Variants in METTL8 observed in about 807,000 individuals in gnomAD.
The protein encoded by METTL8 is tRNA N(3)-cytidine methyltransferase METTL8, mitochondrial.
Under a neutral mutation model 48.7 loss-of-function variants are expected in METTL8, and 32 were observed. That is an observed-to-expected ratio of 0.66 (90% confidence interval 0.50 to 0.88). The LOEUF is 0.88. METTL8 is among the 40% of genes least tolerant of loss of function. The probability of loss-of-function intolerance (pLI) is 0.00; values close to 1 mark genes in which losing one functional copy is unlikely to be tolerated. For synonymous variants in METTL8, 136 were observed against 157.1 expected (o/e 0.87, Z 1.01); for missense variants, 464 against 474.4 (o/e 0.98, Z 0.20).
At chr2:171,389,516 A>C (rs1478424595) in intron 2 of METTL8, among the ~76,000 whole-genome samples, 1 of 37,310 alleles carries the variant, frequency 2.7e-5, no homozygotes, top group Non-Finnish European at 6.5e-5. Flanking sequence ...CTGTCTCACA[A>C]AAAAAAAAAA....
At chr2:171,328,492 T>C (rs1194966264) in intron 7 of METTL8, among the ~76,000 whole-genome samples, 3 of 152,142 alleles carry the variant, frequency 2.0e-5, no homozygotes, top group South Asian at 2.1e-4. Context: ...AGTGACACTA[T>C]AGACATTGCC....
intron 1 of METTL8, among the ~76,000 whole-genome samples, chr2:171,428,694 A>G (rs1314899025): frequency 6.6e-6 from 1 of 152,182 alleles, no homozygotes; most frequent in Non-Finnish European, 1.5e-5. Context: ...TAGTGCCACA[A>G]CAGTATACAC....
At chr2:171,373,553 C>T (rs560747786) in intron 2 of METTL8, among the ~76,000 whole-genome samples, 2 of 152,282 alleles carry the variant, frequency 1.3e-5, no homozygotes, top group East Asian at 1.9e-4. Flanking sequence ...GAAGTCCTTG[C>T]CCATGCCTAT....
chr2:171,366,506 T>C (rs1052611020), intron 2 of METTL8, among the ~76,000 whole-genome samples: 5 of 152,020 alleles, frequency 3.3e-5, no homozygotes, highest in Non-Finnish European at 7.4e-5. Flanking sequence ...CTATTAGACA[T>C]GCAAATCAAG....
Position 171,321,888 on chromosome 2 carries a change from C to A in METTL8, c.*2284G>T, listed in dbSNP as rs1438783828. The A allele has an allele frequency of 1.3e-5, 2 of 151,958 alleles. No homozygotes were observed. The highest frequency in any genetic ancestry group is 2.9e-5 in the Non-Finnish European group (2 of 67,984). The allele number at this position is 151,958 out of a possible 1,614,324, so 9.4% of individuals were successfully genotyped here. A position where few individuals can be genotyped will look rare whatever the true frequency, so the allele number is the denominator to read the frequency against. On this transcript the variant is annotated 3_prime_UTR_variant, in exon 10 of 10. Transcript: ENST00000375258. ...ATTATGTAATGAGTATGAGACTAAT[C>A]TTAAAAACTTCATTTCTACAAAATG... is the stretch of plus-strand genomic sequence containing the variant.
intron 3 of METTL8, among the ~76,000 whole-genome samples, chr2:171,356,960 T>TTTTTTTTG (rs1684642271): frequency 8.1e-6 from 1 of 123,626 alleles, no homozygotes; most frequent in African/African-American, 2.9e-5. Flanking sequence ...ATATTTTTTT[T>TTTTTTTTG]TTTTTTTTTG....
At chr2:171,326,964 G>A (rs1389989346) in intron 7 of METTL8, 2 of 152,152 alleles carry the variant, frequency 1.3e-5, no homozygotes, top group Non-Finnish European at 2.9e-5. Context: ...TCTTAGTTGA[G>A]CTCTTAAGAT....
chr2:171,393,272 T>A (rs892432489), intron 1 of METTL8, among the ~76,000 whole-genome samples: 4 of 151,248 alleles, frequency 2.6e-5, no homozygotes, highest in Non-Finnish European at 5.9e-5. Context: ...TAAAAAAAAA[T>A]TAGGGGTGAT....
At chr2:171,368,529 T>G (rs1685952055) in intron 2 of METTL8, among the ~76,000 whole-genome samples, 1 of 151,836 alleles carries the variant, frequency 6.6e-6, no homozygotes, top group Non-Finnish European at 1.5e-5. Context: ...ACCATGAGTT[T>G]GATAGGTTCC....
At chr2:171,359,348 G>C (rs1169974971) in intron 3 of METTL8, among the ~76,000 whole-genome samples, 1 of 152,084 alleles carries the variant, frequency 6.6e-6, no homozygotes, top group African/African-American at 2.4e-5. Context: ...ATATCAAAAA[G>C]ACAGGGAATA....
rs1424142260 is a variant in METTL8, at chr2:171,316,154, A to G, written c.*8018T>C. Among the ~76,000 whole-genome samples, 2 of 152,274 alleles carry G rather than the reference A, an allele frequency of 1.3e-5. No individual in the cohort carries two copies. The highest frequency in any genetic ancestry group is 3.8e-4 in the East Asian group (2 of 5,200). On this transcript the variant is annotated 3_prime_UTR_variant, in exon 10 of 10. Coordinates refer to ENST00000375258, the MANE Select transcript of METTL8 (RefSeq NM_001321154.2). ...TCAAAGCTAAATGAGTATGCAATAA[A>G]GCTTTGAGAAATGGAAAAGAAAATC...
chr2:171,353,203 T>C (rs1471090018), intron 3 of METTL8, among the ~76,000 whole-genome samples: 2 of 152,244 alleles, frequency 1.3e-5, no homozygotes, highest in Non-Finnish European at 2.9e-5. Flanking sequence ...AACATCTTTA[T>C]TTCTGCCTTC....
chr2:171,416,253 T>C (rs1435774113), intron 1 of METTL8, among the ~76,000 whole-genome samples: 1 of 152,200 alleles, frequency 6.6e-6, no homozygotes, highest in Non-Finnish European at 1.5e-5. Context: ...GGAAAGCTCG[T>C]GCACCCTCTG....
chr2:171,397,491 C>T (rs935342173), intron 1 of METTL8, among the ~76,000 whole-genome samples: 4 of 142,222 alleles, frequency 2.8e-5, no homozygotes, highest in South Asian at 2.3e-4. Context: ...GAGTTCAAGG[C>T]TGCAGTGAAC....
chr2:171,383,329 C>T (rs1350993952), intron 2 of METTL8, among the ~76,000 whole-genome samples: 1 of 151,994 alleles, frequency 6.6e-6, no homozygotes, highest in Non-Finnish European at 1.5e-5. Flanking sequence ...CTACAGAAAA[C>T]GGCTTAGCTC....
At chr2:171,351,568 C>T (rs1357892167) in intron 3 of METTL8, among the ~76,000 whole-genome samples, 1 of 152,182 alleles carries the variant, frequency 6.6e-6, no homozygotes, top group Non-Finnish European at 1.5e-5. Flanking sequence ...TGGCCATTTT[C>T]ATGCTATTGA....
At position 171,433,990 on chromosome 2, in the gene METTL8, T is replaced by C. The variant is rs1348815313; in HGVS notation, c.-120A>G. On this transcript the variant is annotated 5_prime_UTR_variant, in exon 1 of 10. Transcript: ENST00000375258. ...AGGTCGGGGCCGAGAAGCTTGTGAG[T>C]ACCGGGGCAGTGAGGGAGGGATCCC... 1 of 227,642 alleles carries C rather than the reference T, an allele frequency of 4.4e-6. No homozygotes were observed. The highest frequency in any genetic ancestry group is 8.8e-6 in the Non-Finnish European group (1 of 113,458). 14.1% of individuals were successfully genotyped at this position (227,642 alleles called of 1,614,324 possible).
chr2:171,418,251 A>C (rs534398985), intron 1 of METTL8, among the ~76,000 whole-genome samples: 4 of 152,044 alleles, frequency 2.6e-5, no homozygotes, highest in African/African-American at 9.7e-5. Context: ...CCATGTCATC[A>C]TATCTTCTTA....
intron 1 of METTL8, among the ~76,000 whole-genome samples, chr2:171,422,982 G>A (rs967412803): frequency 6.6e-6 from 1 of 152,214 alleles, no homozygotes; most frequent in Non-Finnish European, 1.5e-5. Flanking sequence ...ATCTCCACAT[G>A]TTGTGGGAGG....
Sources: allele counts gnomAD v4.1 joint callset (sites outside exome capture counted in the v4.1 genomes callset), GRCh38; gene constraint gnomAD v4.1.1; transcripts MANE v1.5; gene names NCBI Gene and HGNC (gene_info 2026-07-23, HGNC 2026-07-21).